SLF1: variants seen among roughly 807,000 people sequenced by gnomAD.
The protein encoded by SLF1 is SMC5-SMC6 complex localization factor protein 1.
In SLF1, 105 loss-of-function variants were observed where a neutral mutation model predicts 123.0. The ratio of observed to expected loss-of-function variants is 0.85; its 90% CI spans 0.73 to 1.00. SLF1 has a LOEUF of 1.00. Ranked by LOEUF, SLF1 falls within the 50% of genes least tolerant of loss-of-function variation. The probability of loss-of-function intolerance (pLI) is 0.00; values close to 1 mark genes in which losing one functional copy is unlikely to be tolerated. For synonymous variants in SLF1, 434 were observed against 406.6 expected, an observed-to-expected ratio of 1.07 and a Z score of -0.81; for missense variants, 1,239 against 1,223.0, an observed-to-expected ratio of 1.01 and a Z score of -0.20.
intron 9 of SLF1, among the ~76,000 whole-genome samples, chr5:94,657,035 T>C (rs1307076014): frequency 6.7e-6 from 1 of 149,280 alleles, no homozygotes; most frequent in Admixed American, 6.7e-5. Flanking sequence ...TATTTATTAA[T>C]TTATAATTAA....
intron 3 of SLF1, 94 bp downstream of exon 3, chr5:94,629,261 A>C: frequency 1.2e-6 from 1 of 860,346 alleles, no homozygotes; most frequent in Non-Finnish European, 1.7e-6. Flanking sequence ...TTTACATATC[A>C]AACCTAAATG....
intron 9 of SLF1, among the ~76,000 whole-genome samples, chr5:94,658,566 A>T (rs1465109499): frequency 6.6e-6 from 1 of 151,854 alleles, no homozygotes; most frequent in Middle Eastern, 3.2e-3. Flanking sequence ...ATGTGACTTT[A>T]TGCTTTTTCT....
Position 94,691,579 on chromosome 5 carries a change from A to T in SLF1, c.2435A>T (p.His812Leu). The T allele has an allele frequency of 6.2e-7, 1 of 1,610,714 alleles. No individual in the cohort carries two copies. Among genetic ancestry groups the T allele is most frequent in the Non-Finnish European group, 8.5e-7 (1 of 1,179,138 alleles). Residue 812 changes from histidine (H) to leucine (L), a missense_variant, in exon 19 of 21, where the codon CAT (histidine) becomes CTT (leucine). His to Leu is a moderately conservative substitution (Grantham distance 99, BLOSUM62 -3). Coordinates refer to ENST00000265140, the MANE Select transcript of SLF1 (RefSeq NM_032290.4). ...TTTATGGCAGGAGAAACAGCCCTGC[A>T]TAGAGCTTGCATAAATAACCAAGTG... is the stretch of plus-strand genomic sequence containing the variant. ...KTNLKGETAL[H>L]RACINNQVEK...
chr5:94,637,498 A>T (rs977705134), intron 4 of SLF1, among the ~76,000 whole-genome samples: 1 of 152,056 alleles, frequency 6.6e-6, no homozygotes, highest in African/African-American at 2.4e-5. Flanking sequence ...AATATTTGAG[A>T]TCTGCAGTTG....
intron 4 of SLF1, among the ~76,000 whole-genome samples, chr5:94,636,879 G>C (rs2152470270): frequency 6.6e-6 from 1 of 151,790 alleles, no homozygotes; most frequent in East Asian, 1.9e-4. Context: ...CACCATGCCT[G>C]GCTAATTTTT....
chr5:94,649,624 C>T, intron 6 of SLF1, 27 bp downstream of exon 6: 2 of 1,430,536 alleles, frequency 1.4e-6, no homozygotes, highest in East Asian at 2.6e-5. Flanking sequence ...GAAAAACATA[C>T]ATTTCTGATG....
At chr5:94,627,585 CATATATATATATATATATATATAT>C (rs58847356) in intron 1 of SLF1, among the ~76,000 whole-genome samples, 10 of 86,848 alleles carry the variant, frequency 1.2e-4, no homozygotes, top group Admixed American at 3.7e-4. Context: ...ATGAAATTAA[CATATATATATATATATATATATAT>C]ATATATATAT....
chr5:94,636,669 TTTTA>T (rs1745814873), intron 4 of SLF1, among the ~76,000 whole-genome samples: 1 of 151,790 alleles, frequency 6.6e-6, no homozygotes, highest in African/African-American at 2.4e-5. Context: ...GTTTTCCATA[TTTTA>T]TTTAATTTTT....
At position 94,696,025 on chromosome 5, in the gene SLF1, G is replaced by A. The variant is rs1753491286; in HGVS notation, c.*713G>A. On this transcript the variant is annotated 3_prime_UTR_variant, in exon 21 of 21. Transcript: ENST00000265140. Reference sequence around the variant, plus strand: ...GTACCTGAAAACATTCTGCTGCATAGGTTTATGAGTTTAATATTAAGATAT... The same window carrying A: ...GTACCTGAAAACATTCTGCTGCATAAGTTTATGAGTTTAATATTAAGATAT... 6.6e-6 allele frequency: 1 copy of A among 151,692 alleles called. No homozygotes were observed. The allele number at this position is 151,692 out of a possible 1,614,324, so 9.4% of individuals were successfully genotyped here.
In SLF1 at chr5:94,686,697, G is replaced by T. The variant is rs1752465141; in HGVS notation, c.2100G>T (p.Glu700Asp). The T allele has an allele frequency of 1.9e-6, 3 of 1,613,940 alleles. No individual in the cohort carries two copies. In the East Asian group the frequency reaches 6.7e-5, roughly 36 times the overall value. ...CLQSSGSVSS[E>D]PLSLQKMVYS... is the part of the protein sequence containing the mutation. Reference sequence around the variant, plus strand: ...AGAGCTCTGGCAGTGTTTCTTCTGAGCCACTCTCTCTTCAGAAAATGGTAA... The same window carrying T: ...AGAGCTCTGGCAGTGTTTCTTCTGATCCACTCTCTCTTCAGAAAATGGTAA... The change falls in exon 16 of 21, where the codon GAG (glutamate) becomes GAT (aspartate). Residue 700 changes from glutamate (E) to aspartate (D), a missense_variant. By Grantham distance (45) the Glu-to-Asp change is conservative (BLOSUM62 2). Transcript: ENST00000265140.
intron 4 of SLF1, among the ~76,000 whole-genome samples, chr5:94,632,599 G>A (rs1378095844): frequency 6.6e-6 from 1 of 151,668 alleles, no homozygotes; most frequent in African/African-American, 2.4e-5. Flanking sequence ...TGTGTTTTGG[G>A]GTGCTATTAT....
At chr5:94,666,270 C>T (rs952049799) in intron 12 of SLF1, among the ~76,000 whole-genome samples, 5 of 152,084 alleles carry the variant, frequency 3.3e-5, no homozygotes, top group Admixed American at 3.3e-4. Flanking sequence ...AAAGCCAAAT[C>T]ATTATTATTT....
intron 4 of SLF1, among the ~76,000 whole-genome samples, chr5:94,642,746 A>G (rs895922605): frequency 4.0e-5 from 6 of 151,346 alleles, no homozygotes; most frequent in Non-Finnish European, 7.4e-5. Flanking sequence ...TGTAAAATGT[A>G]TTTTTTCATT....
intron 14 of SLF1, among the ~76,000 whole-genome samples, chr5:94,673,093 AGGAT>A (rs1265547864): frequency 6.6e-6 from 1 of 151,682 alleles, no homozygotes; most frequent in Non-Finnish European, 1.5e-5. Context: ...TCTTACCATG[AGGAT>A]GAAGCCCTTC....
In SLF1 at chr5:94,678,973, C is replaced by T; in HGVS notation, c.1975+18C>T. The T allele has an allele frequency of 1.2e-6, 2 of 1,607,316 alleles. No individual in the cohort carries two copies. Among genetic ancestry groups the T allele is most frequent in the South Asian group, 1.1e-5 (1 of 89,766 alleles). The stretch of plus-strand genomic sequence containing the variant: ...GTGTGATGGTAAGTTTGTCTATGTT[C>T]TGTTTTTTTCAGACCCATTCTGGAA... On this transcript the variant is annotated intron_variant, in intron 15 of 20. Transcript: ENST00000265140.
At chr5:94,632,024 C>T (rs916606756) in intron 4 of SLF1, among the ~76,000 whole-genome samples, 2 of 148,732 alleles carry the variant, frequency 1.3e-5, no homozygotes, top group African/African-American at 5.0e-5. Context: ...GATGCATGTC[C>T]TAGTCCTAGC....
intron 12 of SLF1, among the ~76,000 whole-genome samples, chr5:94,667,737 T>TTTTG (rs377432398): frequency 4.6e-5 from 7 of 152,170 alleles, no homozygotes; most frequent in East Asian, 1.9e-4. Context: ...TTCCTAGCTT[T>TTTTG]TTTGTTTGTT....
chr5:94,645,321 G>T (rs1470948040), intron 5 of SLF1, among the ~76,000 whole-genome samples: 2 of 152,200 alleles, frequency 1.3e-5, no homozygotes, highest in Non-Finnish European at 2.9e-5. Context: ...TGTAGACATA[G>T]AATCTAGACC....
chr5:94,685,850 T>A (rs1752361693), intron 15 of SLF1, among the ~76,000 whole-genome samples: 1 of 151,080 alleles, frequency 6.6e-6, no homozygotes, highest in South Asian at 2.1e-4. Context: ...AAAAAAAAAA[T>A]TATCCACCAT....
Sources: allele counts gnomAD v4.1 joint callset (sites outside exome capture counted in the v4.1 genomes callset), GRCh38; gene constraint gnomAD v4.1.1; transcripts MANE v1.5; gene names NCBI Gene and HGNC (gene_info 2026-07-23, HGNC 2026-07-21).